The following LCLAT1 variants were observed in gnomAD, a reference collection of about 807,000 sequenced individuals.
LCLAT1 encodes the protein 1-AGP acyltransferase 8.
A neutral mutation model predicts 30.7 loss-of-function variants in LCLAT1; 11 were observed. The observed-to-expected ratio is 0.36, with a 90% CI of 0.23 to 0.59. The LOEUF (loss-of-function observed/expected upper bound fraction) is 0.59. LCLAT1 is among the 20% of genes least tolerant of loss of function. The pLI is 0.77. For missense variants in LCLAT1, 402 were observed against 458.6 expected (o/e 0.88, Z 1.13); for synonymous variants, 155 against 151.3 (o/e 1.02, Z -0.18).
At position 30,449,644 on chromosome 2, in the gene LCLAT1, A is replaced by T. The variant is rs533488896; in HGVS notation, c.-5+2261A>T. ...GCCTCCTGAGTAGCTGGGATTACAG[A>T]CATGTGCCACTACGCCTGGCTAATT... On this transcript the variant is annotated intron_variant, in intron 1 of 5. Transcript: ENST00000379509. Among the ~76,000 whole-genome samples the T allele has an allele frequency of 2.6e-5, 4 of 151,850 alleles. No individual in the cohort carries two copies. The East Asian group carries it at 7.8e-4, about 30-fold the overall frequency.
At chr2:30,505,502 C>A (rs1030066777) in intron 1 of LCLAT1, among the ~76,000 whole-genome samples, 2 of 151,946 alleles carry the variant, frequency 1.3e-5, no homozygotes, top group African/African-American at 4.8e-5. Flanking sequence ...ATAAAATATT[C>A]AGGTTAAATT....
intron 1 of LCLAT1, among the ~76,000 whole-genome samples, chr2:30,508,683 CATG>C: frequency 6.6e-6 from 1 of 152,062 alleles, no homozygotes; most frequent in East Asian, 1.9e-4. Context: ...AGTTGGGTAG[CATG>C]ATGTTTCTAA....
chr2:30,570,569 A>T (rs1356775416), intron 5 of LCLAT1, among the ~76,000 whole-genome samples: 1 of 152,198 alleles, frequency 6.6e-6, no homozygotes. Context: ...CATCAAAATT[A>T]TTGGAATACA....
At chr2:30,547,723 T>C (rs980705051) in intron 3 of LCLAT1, among the ~76,000 whole-genome samples, 1 of 95,690 alleles carries the variant, frequency 1.0e-5, no homozygotes, top group Non-Finnish European at 2.8e-5. Context: ...GATGGCATAG[T>C]AGAGTGGGAG....
intron 3 of LCLAT1, among the ~76,000 whole-genome samples, chr2:30,557,024 A>G (rs573631768): frequency 1.2e-4 from 18 of 152,128 alleles, no homozygotes; most frequent in East Asian, 3.9e-4. Flanking sequence ...GATTACAGGC[A>G]TGAGCCACCA....
intron 5 of LCLAT1, among the ~76,000 whole-genome samples, chr2:30,570,090 G>A (rs1270267215): frequency 6.6e-6 from 1 of 151,896 alleles, no homozygotes; most frequent in African/African-American, 2.4e-5. Context: ...TGACATCATA[G>A]AACAATCTAT....
chr2:30,622,138 C>T (rs1218694715), intron 5 of LCLAT1, among the ~76,000 whole-genome samples: 3 of 152,096 alleles, frequency 2.0e-5, no homozygotes, highest in Non-Finnish European at 2.9e-5. Flanking sequence ...TGAGGCCTGT[C>T]ACTGTTCCCT....
At chr2:30,612,056 T>G (rs1435014172) in intron 5 of LCLAT1, among the ~76,000 whole-genome samples, 1 of 152,116 alleles carries the variant, frequency 6.6e-6, no homozygotes, top group Non-Finnish European at 1.5e-5. Context: ...AGGAAAAGAC[T>G]TTCTGTGAGG....
chr2:30,519,962 C>G (rs1290165343), intron 1 of LCLAT1, among the ~76,000 whole-genome samples: 2 of 152,216 alleles, frequency 1.3e-5, no homozygotes, highest in Admixed American at 1.3e-4. Flanking sequence ...CGCTGCGCTT[C>G]TGATCCGGGG....
chr2:30,487,631 T>A (rs1050342634), intron 1 of LCLAT1, among the ~76,000 whole-genome samples: 1 of 152,094 alleles, frequency 6.6e-6, no homozygotes, highest in African/African-American at 2.4e-5. Flanking sequence ...TAAGGGTGGG[T>A]GGGCAGCAAT....
intron 5 of LCLAT1, among the ~76,000 whole-genome samples, chr2:30,638,152 C>T (rs1669124665): frequency 6.6e-6 from 1 of 152,164 alleles, no homozygotes; most frequent in Admixed American, 6.5e-5. Flanking sequence ...AAGTAAATCA[C>T]AGAGTAATGG....
At chr2:30,447,781 G>T (rs74597758) in intron 1 of LCLAT1, among the ~76,000 whole-genome samples, 3 of 152,360 alleles carry the variant, frequency 2.0e-5, no homozygotes, top group African/African-American at 7.2e-5. Context: ...CGCAACCTGA[G>T]GTCTGACCCT....
chr2:30,486,947 C>G (rs757521533), intron 1 of LCLAT1, among the ~76,000 whole-genome samples: 1 of 152,356 alleles, frequency 6.6e-6, no homozygotes, highest in Non-Finnish European at 1.5e-5. Flanking sequence ...TTGGTTACTT[C>G]AGTTCCACCT....
At chr2:30,627,651 C>T (rs1344930888) in intron 5 of LCLAT1, among the ~76,000 whole-genome samples, 1 of 152,132 alleles carries the variant, frequency 6.6e-6, no homozygotes, top group Admixed American at 6.5e-5. Flanking sequence ...GAAGCCTACA[C>T]TATAATTTTA....
chr2:30,637,451 T>A (rs1252051188), intron 5 of LCLAT1, among the ~76,000 whole-genome samples: 3 of 152,226 alleles, frequency 2.0e-5, no homozygotes, highest in East Asian at 3.9e-4. Flanking sequence ...AGCCCACCTT[T>A]CAGCATGTAA....
At chr2:30,568,210 A>C in intron 5 of LCLAT1, 34 bp downstream of exon 5, 1 of 1,229,620 alleles carries the variant, frequency 8.1e-7, no homozygotes, top group Non-Finnish European at 1.2e-6. Context: ...CTTTTTAATA[A>C]AAGTGGCAAA....
At chr2:30,537,238 G>A (rs1029983593) in intron 3 of LCLAT1, among the ~76,000 whole-genome samples, 9 of 152,136 alleles carry the variant, frequency 5.9e-5, no homozygotes, top group Admixed American at 2.6e-4. Flanking sequence ...AAAATTAGCC[G>A]GGCGCGGTGG....
At chr2:30,535,734 A>G (rs1446615917) in intron 3 of LCLAT1, among the ~76,000 whole-genome samples, 1 of 152,210 alleles carries the variant, frequency 6.6e-6, no homozygotes, top group Non-Finnish European at 1.5e-5. Flanking sequence ...ATACCAGTGT[A>G]GGAACACAGG....
chr2:30,592,467 G>GAGC (rs1666739791), intron 5 of LCLAT1, among the ~76,000 whole-genome samples: 1 of 152,102 alleles, frequency 6.6e-6, no homozygotes, highest in Non-Finnish European at 1.5e-5. Flanking sequence ...CTGGGTGACA[G>GAGC]AGCAAGACCC....
Sources: gnomAD v4.1 joint callset for allele counts (sites outside exome capture counted in the v4.1 genomes callset) on GRCh38, gnomAD v4.1.1 for gene constraint, MANE v1.5 for transcripts, NCBI Gene and HGNC (gene_info 2026-07-23, HGNC 2026-07-21) for gene names.